UBE3A: variants seen among roughly 807,000 people sequenced by gnomAD.
UBE3A encodes the protein ubiquitin-protein ligase E3A.
UBE3A carries 6 observed loss-of-function variants against 83.4 expected under a neutral mutation model. The ratio of observed to expected loss-of-function variants is 0.07; its 90% CI spans 0.04 to 0.14. The LOEUF (loss-of-function observed/expected upper bound fraction) is 0.14, where lower values mean the gene tolerates loss of function less well. UBE3A is among the 10% of genes least tolerant of loss of function. The pLI is 1.00. For missense variants in UBE3A, 456 were observed against 1,036.1 expected (o/e 0.44, Z 7.69); for synonymous variants, 337 against 355.4 (o/e 0.95, Z 0.58).
chr15:25,371,854 T>C lies in UBE3A; in HGVS notation c.362-42A>G, dbSNP rs747499662. On this transcript the variant is annotated intron_variant, in intron 5 of 12. Coordinates refer to ENST00000648336, the MANE Select transcript of UBE3A (RefSeq NM_130839.5). This position sits in a 1 kb window ranked among gnomAD's most constrained non-coding sequence, Gnocchi z 5.3. ...AAAAAGAGAACATTTATTTTCATAA[T>C]ATGTATGTTTACTCTGTTGCAAAAA... The C allele has an allele frequency of 6.4e-7, 1 of 1,573,350 alleles. No individual in the cohort carries two copies. The highest frequency in any genetic ancestry group is 1.1e-5 in the South Asian group (1 of 87,978).
At chr15:25,423,480 A>G (rs1890414612) in intron 1 of UBE3A, among the ~76,000 whole-genome samples, 3 of 152,208 alleles carry the variant, frequency 2.0e-5, no homozygotes, top group African/African-American at 7.2e-5. Flanking sequence ...GCAAAAGCAA[A>G]TATTGAAAAC....
intron 12 of UBE3A, 34 bp from the exon 13 acceptor site, chr15:25,339,291 C>G: frequency 6.3e-7 from 1 of 1,598,662 alleles, no homozygotes; most frequent in Non-Finnish European, 8.5e-7. Flanking sequence ...AACAGGAAAA[C>G]TGTAAGTCAT....
intron 4 of UBE3A, among the ~76,000 whole-genome samples, chr15:25,377,500 A>G (rs1200091407): frequency 1.3e-5 from 2 of 152,214 alleles, no homozygotes; most frequent in Non-Finnish European, 2.9e-5. Context: ...TGAAAGTGAA[A>G]ACATGTAAAA....
At chr15:25,426,470 A>G (rs945725680) in intron 1 of UBE3A, among the ~76,000 whole-genome samples, 1 of 152,208 alleles carries the variant, frequency 6.6e-6, no homozygotes, top group African/African-American at 2.4e-5. Context: ...TGCACACACA[A>G]AAGACTTATA....
intron 1 of UBE3A, among the ~76,000 whole-genome samples, chr15:25,417,686 A>G (rs1237837412): frequency 6.6e-6 from 1 of 152,070 alleles, no homozygotes; most frequent in Non-Finnish European, 1.5e-5. Context: ...ACAGTAAAAT[A>G]GAAGACAAAG....
At chr15:25,339,378 A>G in intron 12 of UBE3A, 121 bp from the exon 13 acceptor site, 1 of 1,243,302 alleles carries the variant, frequency 8.0e-7, no homozygotes, top group Non-Finnish European at 1.1e-6. Flanking sequence ...CAAACTATAC[A>G]TTAATGCAAA....
rs143895884 is a variant in UBE3A, at chr15:25,351,555, C to T, written c.2354+2798G>A. Among the ~76,000 whole-genome samples, 20 of 152,224 alleles carry T rather than the reference C, an allele frequency of 1.3e-4. No individual in the cohort carries two copies. In the East Asian group the frequency reaches 2.3e-3, roughly 18 times the overall value. ...CACGATCTAGGCTCACTGCAACCTC[C>T]GCCTCCCAGGTTCAAGCGATTCTCC... On this transcript the variant is annotated intron_variant, in intron 11 of 12. Transcript: ENST00000648336.
chr15:25,393,355 G>A (rs924342836), intron 4 of UBE3A, among the ~76,000 whole-genome samples: 9 of 152,248 alleles, frequency 5.9e-5, no homozygotes, highest in Middle Eastern at 3.4e-3. Context: ...TTTAGTAAGT[G>A]ATTTATTTAT....
At chr15:25,339,893 T>C (rs1201242341) in intron 12 of UBE3A, 192 bp downstream of exon 12, 12 of 690,376 alleles carry the variant, frequency 1.7e-5, no homozygotes, top group Non-Finnish European at 1.9e-5. Context: ...TAATAATTTT[T>C]AACTAGGGCA....
In UBE3A at chr15:25,371,920, C is replaced by T; in HGVS notation, c.362-108G>A. 1 of 1,075,892 alleles carries T rather than the reference C, an allele frequency of 9.3e-7. No individual in the cohort carries two copies. Among genetic ancestry groups the T allele is most frequent in the Non-Finnish European group, 1.3e-6 (1 of 760,860 alleles). The allele number at this position is 1,075,892 out of a possible 1,614,324, so 66.6% of individuals were successfully genotyped here. On this transcript the variant is annotated intron_variant, in intron 5 of 12. Transcript: ENST00000648336. This position sits in a 1 kb window ranked among gnomAD's most constrained non-coding sequence, Gnocchi z 5.3. Reference sequence around the variant, plus strand: ...CAGCCAAACATTCTAGGCTCAATATCATTTATGATATACAACTCTTAAAGT... The same window carrying T: ...CAGCCAAACATTCTAGGCTCAATATTATTTATGATATACAACTCTTAAAGT...
intron 4 of UBE3A, among the ~76,000 whole-genome samples, chr15:25,401,740 AT>A (rs201565392): frequency 0.017 from 2,611 of 151,754 alleles, 77 homozygotes; most frequent in African/African-American, 0.059. Context: ...ACAACTCTTT[AT>A]TTTTTTTATC....
chr15:25,382,244 C>A (rs1441032139), intron 4 of UBE3A, among the ~76,000 whole-genome samples: 1 of 151,868 alleles, frequency 6.6e-6, no homozygotes, highest in African/African-American at 2.4e-5. Context: ...TGGCATGAAC[C>A]CGGGAGGCGG....
intron 3 of UBE3A, chr15:25,407,344 G>A (rs2153060826): frequency 9.5e-5 from 85 of 891,320 alleles, no homozygotes; most frequent in South Asian, 8.6e-4. Flanking sequence ...GAGAAGAGAG[G>A]GAAAAAATGA....
At chr15:25,361,366 C>T (rs948400517) in intron 6 of UBE3A, among the ~76,000 whole-genome samples, 3 of 152,020 alleles carry the variant, frequency 2.0e-5, no homozygotes, top group East Asian at 1.9e-4. Flanking sequence ...CCTCATGATC[C>T]GCCCACCTCA....
At chr15:25,345,975 C>A (rs569711212) in intron 11 of UBE3A, 1 of 152,214 alleles carries the variant, frequency 6.6e-6, no homozygotes, top group Non-Finnish European at 1.5e-5. Context: ...CAAAAAGAAA[C>A]AAACCCATGC....
At chr15:25,413,464 T>C (rs893256582) in intron 1 of UBE3A, among the ~76,000 whole-genome samples, 1 of 152,188 alleles carries the variant, frequency 6.6e-6, no homozygotes, top group Non-Finnish European at 1.5e-5. Flanking sequence ...TGCTACTTAT[T>C]AAAACTGTCT....
chr15:25,366,332 A>G (rs1165951570), intron 6 of UBE3A, among the ~76,000 whole-genome samples: 1 of 152,236 alleles, frequency 6.6e-6, no homozygotes, highest in Non-Finnish European at 1.5e-5. Flanking sequence ...TGAATAAATA[A>G]AAGAATTACG....
In UBE3A at chr15:25,371,642, G is replaced by A; in HGVS notation, c.532C>T (p.Leu178Phe). The A allele has an allele frequency of 6.2e-7, 1 of 1,614,064 alleles. No homozygotes were observed. Among genetic ancestry groups the A allele is most frequent in the Non-Finnish European group, 8.5e-7 (1 of 1,180,008 alleles). The change falls in exon 6 of 13, where the codon CTT (leucine) becomes TTT (phenylalanine). Residue 178 changes from leucine (L) to phenylalanine (F), a missense_variant. Coordinates refer to ENST00000648336, the MANE Select transcript of UBE3A (RefSeq NM_130839.5). The surrounding 1 kb of genome is among the most constrained non-coding windows in gnomAD (Gnocchi z 5.3). Reference sequence around the variant, plus strand: ...TCTTTGTCTTCATCTTTTGCTTGAAGAGATTTCAGTTCTTCCTTGGTGTGT... The same window carrying A: ...TCTTTGTCTTCATCTTTTGCTTGAAAAGATTTCAGTTCTTCCTTGGTGTGT... The part of the protein sequence containing the change: ...KQHTKEELKS[L>F]QAKDEDKDED...
At chr15:25,408,883 T>C (rs1401499764) in intron 3 of UBE3A, among the ~76,000 whole-genome samples, 1 of 152,202 alleles carries the variant, frequency 6.6e-6, no homozygotes, top group Admixed American at 6.5e-5. Flanking sequence ...TACATACAGA[T>C]AGGTCTTTGA....
Sources: allele counts gnomAD v4.1 joint callset (sites outside exome capture counted in the v4.1 genomes callset), GRCh38; gene constraint gnomAD v4.1.1; non-coding constraint Gnocchi (gnomAD v3.1); transcripts MANE v1.5; gene names NCBI Gene and HGNC (gene_info 2026-07-23, HGNC 2026-07-21).